ANTXR2: variants seen among roughly 807,000 people sequenced by gnomAD.
ANTXR2 encodes the protein ANTXR cell adhesion molecule 2, also known as anthrax toxin receptor 2.
Under a neutral mutation model 73.7 loss-of-function variants are expected in ANTXR2, and 44 were observed. That is an observed-to-expected ratio of 0.60 (90% CI 0.47 to 0.77). ANTXR2 has a LOEUF of 0.77. ANTXR2 is among the 30% of genes least tolerant of loss of function. ANTXR2 has a pLI of 0.00. For synonymous variants in ANTXR2, 217 were observed against 205.9 expected (o/e 1.05, Z -0.46); for missense variants, 604 against 592.5 (o/e 1.02, Z -0.20).
At chr4:80,071,155 C>T (rs533586629) in intron 2 of ANTXR2, among the ~76,000 whole-genome samples, 2 of 152,326 alleles carry the variant, frequency 1.3e-5, no homozygotes, top group Non-Finnish European at 2.9e-5. Context: ...GTTATTAACA[C>T]ATGTTCATTT....
chr4:80,056,782 G>T (rs974653150), intron 3 of ANTXR2, among the ~76,000 whole-genome samples: 6 of 151,948 alleles, frequency 3.9e-5, no homozygotes, highest in African/African-American at 1.4e-4. Flanking sequence ...AACTGAATTT[G>T]TCTAAATGGG....
At chr4:80,006,604 G>A (rs989797453) in intron 12 of ANTXR2, among the ~76,000 whole-genome samples, 4 of 151,958 alleles carry the variant, frequency 2.6e-5, no homozygotes, top group Non-Finnish European at 5.9e-5. Flanking sequence ...ACCATTAAAG[G>A]GCTCCCTTTA....
Position 80,072,732 on chromosome 4 carries a change from G to A in ANTXR2, c.-172C>T, listed in dbSNP as rs1734874969. The A allele has an allele frequency of 5.0e-5, 67 of 1,332,682 alleles. No homozygotes were observed. Among genetic ancestry groups the A allele is most frequent in the Non-Finnish European group, 6.3e-5 (66 of 1,046,350 alleles). The allele number at this position is 1,332,682 out of a possible 1,614,324, so 82.6% of individuals were successfully genotyped here. A position where few individuals can be genotyped will look rare whatever the true frequency, so the allele number is the denominator to read the frequency against. On this transcript the variant is annotated 5_prime_UTR_variant, in exon 1 of 17. Coordinates refer to ENST00000403729, the MANE Select transcript of ANTXR2 (RefSeq NM_058172.6). ...ACCAGCTGACAGGGAGGGAGAGAGG[G>A]AGGTCCTGAGAGGACAAAGGGAGTC...
intron 3 of ANTXR2, among the ~76,000 whole-genome samples, chr4:80,067,454 G>T (rs952638097): frequency 2.0e-5 from 3 of 152,218 alleles, no homozygotes; most frequent in African/African-American, 7.2e-5. Context: ...ATCAATGACT[G>T]AGAGTTTCTA....
At position 80,072,853 on chromosome 4, in the gene ANTXR2, A is replaced by G; in HGVS notation, c.-293T>C. ...TCCCGATTCCGGAGAGTTCCTGCAG[A>G]CAATGCGGGCCCACGGCGACAGCTC... On this transcript the variant is annotated 5_prime_UTR_variant, in exon 1 of 17. Transcript: ENST00000403729. 1.9e-6 allele frequency: 1 copy of G among 535,984 alleles called. No individual in the cohort carries two copies. Among genetic ancestry groups the G allele is most frequent in the East Asian group, 4.5e-5 (1 of 22,346 alleles). The allele number at this position is 535,984 out of a possible 1,614,324, so 33.2% of individuals were successfully genotyped here. A position where few individuals can be genotyped will look rare whatever the true frequency, so the allele number is the denominator to read the frequency against.
chr4:79,998,081 G>A (rs1000917935), intron 12 of ANTXR2, among the ~76,000 whole-genome samples: 27 of 151,894 alleles, frequency 1.8e-4, no homozygotes, highest in Non-Finnish European at 5.9e-5. Context: ...AAAAACAAGT[G>A]CAATGTACAG....
chr4:80,015,875 GGAAAGGAA>G (rs1560993488), intron 11 of ANTXR2, among the ~76,000 whole-genome samples: 2 of 49,288 alleles, frequency 4.1e-5, no homozygotes, highest in Admixed American at 2.5e-4. Context: ...GGAAAGGAAA[GGAAAGGAA>G]AGGAAAGGAA....
intron 12 of ANTXR2, among the ~76,000 whole-genome samples, chr4:79,997,493 C>A (rs1008033094): frequency 2.6e-5 from 4 of 151,772 alleles, no homozygotes; most frequent in Non-Finnish European, 5.9e-5. Context: ...AAGTAAAATG[C>A]CTTTCTTTTG....
intron 1 of ANTXR2, among the ~76,000 whole-genome samples, chr4:80,071,899 T>C (rs1327745489): frequency 6.6e-6 from 1 of 151,038 alleles, no homozygotes; most frequent in Non-Finnish European, 1.5e-5. Context: ...GGTGGGTAAA[T>C]ACCTGCCTAA....
At chr4:79,915,214 G>GA (rs1227218299) in intron 16 of ANTXR2, among the ~76,000 whole-genome samples, 2 of 152,098 alleles carry the variant, frequency 1.3e-5, no homozygotes, top group Non-Finnish European at 2.9e-5. Flanking sequence ...ACCAAGAGGT[G>GA]AAAATATGAC....
intron 2 of ANTXR2, among the ~76,000 whole-genome samples, chr4:80,070,679 C>T (rs1301542427): frequency 2.0e-5 from 3 of 152,144 alleles, no homozygotes; most frequent in Admixed American, 6.5e-5. Context: ...GCAAGGATTG[C>T]CTAGGCCTCT....
At chr4:79,976,354 AGG>A (rs1729634077) in intron 16 of ANTXR2, among the ~76,000 whole-genome samples, 2 of 152,276 alleles carry the variant, frequency 1.3e-5, no homozygotes, top group African/African-American at 4.8e-5. Context: ...TCTGGAGGTG[AGG>A]CTTGGACACC....
chr4:79,931,315 T>TTATTCA (rs1321103359), intron 16 of ANTXR2, among the ~76,000 whole-genome samples: 19 of 152,156 alleles, frequency 1.2e-4, no homozygotes, highest in African/African-American at 4.6e-4. Flanking sequence ...AGAGAGCAAA[T>TTATTCA]GAATAGAGTT....
intron 12 of ANTXR2, among the ~76,000 whole-genome samples, chr4:79,993,760 G>GCGCGCACACACACACACA (rs71662888): frequency 7.1e-5 from 10 of 140,768 alleles, no homozygotes; most frequent in African/African-American, 2.6e-4. Context: ...ACACACACAC[G>GCGCGCACACACACACACA]CACACACACA....
intron 3 of ANTXR2, among the ~76,000 whole-genome samples, chr4:80,063,813 T>A (rs78034312): frequency 0.05 from 7,673 of 152,270 alleles, 490 homozygotes; most frequent in East Asian, 0.2. Context: ...TATAGTATCA[T>A]CAATTGATAA....
In ANTXR2 at chr4:80,055,342, T is replaced by A; in HGVS notation, c.486+18A>T. 6.3e-7 allele frequency: 1 copy of A among 1,595,690 alleles called. No homozygotes were observed. The highest frequency in any genetic ancestry group is 8.6e-7 in the Non-Finnish European group (1 of 1,165,268). ...ATGTACAGTGGGGTGTAGAGAACAG[T>A]CTCAGTTCAATACTCACCTCTTTCT... On this transcript the variant is annotated intron_variant, in intron 5 of 16. Transcript: ENST00000403729.
chr4:80,033,692 A>G, intron 8 of ANTXR2, 122 bp from the exon 9 acceptor site: 1 of 687,480 alleles, frequency 1.5e-6, no homozygotes, highest in Non-Finnish European at 2.4e-6. Flanking sequence ...CAGTTAACTA[A>G]TAGCAATGAA....
At chr4:79,949,909 T>C (rs1330356565) in intron 16 of ANTXR2, among the ~76,000 whole-genome samples, 3 of 152,196 alleles carry the variant, frequency 2.0e-5, no homozygotes, top group African/African-American at 7.2e-5. Context: ...AATACTATAG[T>C]TTATTAATTA....
chr4:79,912,618 AT>A (rs1246031497), intron 16 of ANTXR2, among the ~76,000 whole-genome samples: 7 of 152,128 alleles, frequency 4.6e-5, no homozygotes, highest in African/African-American at 1.7e-4. Flanking sequence ...TAAGCAAAGT[AT>A]ATAAAAAATG....
Sources: gnomAD v4.1 joint callset for allele counts (sites outside exome capture counted in the v4.1 genomes callset) on GRCh38, gnomAD v4.1.1 for gene constraint, MANE v1.5 for transcripts, NCBI Gene and HGNC (gene_info 2026-07-23, HGNC 2026-07-21) for gene names.